SGCE: variants seen among roughly 807,000 people sequenced by gnomAD.
The protein encoded by SGCE is sarcoglycan epsilon, also known as epsilon-sarcoglycan.
SGCE carries 26 observed loss-of-function variants against 57.8 expected under a neutral mutation model. The ratio of observed to expected loss-of-function variants is 0.45; its 90% CI spans 0.33 to 0.62. The LOEUF (loss-of-function observed/expected upper bound fraction) is 0.62. Among genes scored for constraint, SGCE ranks in the 20% least tolerant of loss-of-function variants. The pLI is 0.02. For missense variants in SGCE, 468 were observed against 548.6 expected (o/e 0.85, Z 1.47); for synonymous variants, 183 against 189.5 (o/e 0.97, Z 0.28).
At chr7:94,599,124 A>C in intron 8 of SGCE, 161 bp from the exon 9 acceptor site, 1 of 584,068 alleles carries the variant, frequency 1.7e-6, no homozygotes, top group Non-Finnish European at 3.0e-6. Flanking sequence ...CATACATCTC[A>C]CATACTTTTA....
chr7:94,596,176 G>T (rs892828681), intron 9 of SGCE, among the ~76,000 whole-genome samples: 1 of 152,044 alleles, frequency 6.6e-6, no homozygotes, highest in African/African-American at 2.4e-5. Context: ...AGTCTTGATG[G>T]GGTTATGGAA....
At chr7:94,628,734 A>G (rs1804169037) in intron 2 of SGCE, 2 of 212,678 alleles carry the variant, frequency 9.4e-6, no homozygotes, top group Non-Finnish European at 1.9e-5. Context: ...TCTGGACACT[A>G]TCATATGAGT....
chr7:94,618,619 A>G lies in SGCE; in HGVS notation c.662+139T>C, dbSNP rs1307468063. 1.3e-5 allele frequency: 9 copies of G among 677,162 alleles called. No individual in the cohort carries two copies. The East Asian group carries it at 1.6e-4, about 12-fold the overall frequency. 41.9% of individuals were successfully genotyped at this position (677,162 alleles called of 1,614,324 possible). On this transcript the variant is annotated intron_variant, in intron 5 of 10. Coordinates refer to ENST00000648936, the MANE Select transcript of SGCE (RefSeq NM_003919.3). ...ATCTTTGCCAATATAGAAAATTACT[A>G]GTATGTTCATATCTTTACAATATCT... is the stretch of plus-strand genomic sequence containing the variant.
chr7:94,601,746 C>T (rs1170536551), intron 6 of SGCE, among the ~76,000 whole-genome samples: 1 of 152,052 alleles, frequency 6.6e-6, no homozygotes, highest in Non-Finnish European at 1.5e-5. Context: ...ATTGATGTGC[C>T]TCCTTTTTAA....
intron 4 of SGCE, among the ~76,000 whole-genome samples, chr7:94,622,857 G>C (rs1303814153): frequency 6.6e-6 from 1 of 152,050 alleles, no homozygotes; most frequent in African/African-American, 2.4e-5. Context: ...CTAAGTTATG[G>C]TTTATTTGTT....
chr7:94,646,621 T>C (rs910869717), intron 1 of SGCE, among the ~76,000 whole-genome samples: 3 of 152,110 alleles, frequency 2.0e-5, no homozygotes, highest in Non-Finnish European at 4.4e-5. Flanking sequence ...TACAAAACAG[T>C]ATACAGGCAC....
At position 94,655,870 on chromosome 7, in the gene SGCE, G is replaced by A; in HGVS notation, c.109+120C>T. 3 of 691,296 alleles carry A rather than the reference G, an allele frequency of 4.3e-6. No individual in the cohort carries two copies. The South Asian group carries it at 4.6e-5, about 11-fold the overall frequency. 42.8% of individuals were successfully genotyped at this position (691,296 alleles called of 1,614,324 possible). ...CTGAAGGAGGGGTACGGTGGGGTCC[G>A]GGACAGAAAGAGAGGCTGGTGCCCA... On this transcript the variant is annotated intron_variant, in intron 1 of 10. Coordinates refer to ENST00000648936, the MANE Select transcript of SGCE (RefSeq NM_003919.3).
intron 9 of SGCE, among the ~76,000 whole-genome samples, chr7:94,595,563 G>A (rs933812782): frequency 6.6e-6 from 1 of 152,070 alleles, no homozygotes; most frequent in African/African-American, 2.4e-5. Context: ...GCATATACCT[G>A]GTTATTGAGT....
At chr7:94,621,955 A>G (rs971646319) in intron 4 of SGCE, 7 of 152,178 alleles carry the variant, frequency 4.6e-5, no homozygotes, top group African/African-American at 1.4e-4. Context: ...TTAAATTTTA[A>G]ACTTGCACAT....
chr7:94,630,236 C>CT (rs1372936746), intron 1 of SGCE, among the ~76,000 whole-genome samples: 4 of 151,482 alleles, frequency 2.6e-5, no homozygotes, highest in East Asian at 1.9e-4. Flanking sequence ...TTCTTCTTTC[C>CT]TTTTTTTTAA....
At chr7:94,587,185 C>T (rs1797018528) in intron 10 of SGCE, 2 of 985,182 alleles carry the variant, frequency 2.0e-6, no homozygotes, top group Non-Finnish European at 2.4e-6. Context: ...ATAAATTGTC[C>T]TTGTATTTGG....
chr7:94,587,744 A>G lies in SGCE; in HGVS notation c.1297+945T>C, dbSNP rs772509228. The G allele has an allele frequency of 5.2e-5, 80 of 1,534,826 alleles. No homozygotes were observed. Among genetic ancestry groups the G allele is most frequent in the Non-Finnish European group, 6.9e-5 (79 of 1,142,332 alleles). On this transcript the variant is annotated intron_variant, in intron 10 of 10. Transcript: ENST00000648936. ...GAAAAATTCTGATAAACATCTTGTA[A>G]TTGAAATCTGATGAACAATTTCATT...
intron 9 of SGCE, among the ~76,000 whole-genome samples, chr7:94,593,946 A>T (rs1256045547): frequency 6.6e-6 from 1 of 152,076 alleles, no homozygotes; most frequent in African/African-American, 2.4e-5. Flanking sequence ...GAGCTCTACC[A>T]TAACATACAC....
intron 1 of SGCE, chr7:94,644,775 C>A: frequency 3.5e-6 from 1 of 289,044 alleles, no homozygotes; most frequent in South Asian, 3.2e-5. Context: ...TACGCTGCTC[C>A]CTGACCCTCT....
intron 2 of SGCE, 165 bp from the exon 3 acceptor site, chr7:94,628,524 T>TA (rs953895675): frequency 3.4e-4 from 194 of 577,538 alleles, no homozygotes; most frequent in African/African-American, 2.2e-3. Context: ...GGCACCACGT[T>TA]AAAAAAAATC....
intron 1 of SGCE, among the ~76,000 whole-genome samples, chr7:94,653,800 G>A (rs1340961147): frequency 1.3e-5 from 2 of 151,816 alleles, no homozygotes; most frequent in Non-Finnish European, 2.9e-5. Flanking sequence ...ATAGTGAGAT[G>A]GGAGAAAATT....
intron 1 of SGCE, among the ~76,000 whole-genome samples, chr7:94,641,653 T>C (rs1806392786): frequency 6.6e-6 from 1 of 152,052 alleles, no homozygotes; most frequent in African/African-American, 2.4e-5. Context: ...TTAAAAGAGC[T>C]CCCCACCTTA....
chr7:94,651,957 G>A (rs987060341), intron 1 of SGCE, among the ~76,000 whole-genome samples: 4 of 149,594 alleles, frequency 2.7e-5, no homozygotes, highest in East Asian at 1.9e-4. Context: ...TTTGTTTCTC[G>A]TACTGCTACT....
intron 5 of SGCE, among the ~76,000 whole-genome samples, chr7:94,605,225 C>G (rs1799933676): frequency 6.6e-6 from 1 of 151,904 alleles, no homozygotes; most frequent in Non-Finnish European, 1.5e-5. Context: ...ACAACTATGA[C>G]TAATATGCAG....
Sources: allele counts gnomAD v4.1 joint callset (sites outside exome capture counted in the v4.1 genomes callset), GRCh38; gene constraint gnomAD v4.1.1; transcripts MANE v1.5; gene names NCBI Gene and HGNC (gene_info 2026-07-23, HGNC 2026-07-21).